Variants in TRIM42 observed in about 807,000 individuals in gnomAD.
TRIM42 encodes tripartite motif-containing protein 42.
TRIM42 carries 59 observed loss-of-function variants against 64.9 expected under a neutral mutation model. That is an observed-to-expected ratio of 0.91 (90% CI 0.74 to 1.13). TRIM42 has a LOEUF of 1.13. Ranked by LOEUF, TRIM42 falls within the 50% of genes most tolerant of loss-of-function variation. The pLI is 0.00. For missense variants in TRIM42, 878 were observed against 929.5 expected, an observed-to-expected ratio of 0.94 and a Z score of 0.72; for synonymous variants, 354 against 346.3, an observed-to-expected ratio of 1.02 and a Z score of -0.25.
At chr3:140,691,825 C>T (rs574693337) in intron 4 of TRIM42, among the ~76,000 whole-genome samples, 3 of 152,188 alleles carry the variant, frequency 2.0e-5, no homozygotes, top group Non-Finnish European at 4.4e-5. Context: ...AGGGAATACA[C>T]ATTCATGAGT....
intron 3 of TRIM42, among the ~76,000 whole-genome samples, chr3:140,690,509 G>A (rs1464192782): frequency 8.3e-6 from 1 of 120,220 alleles, no homozygotes; most frequent in East Asian, 2.7e-4. Context: ...AGAAATCAAA[G>A]CTACTTAATC....
intron 4 of TRIM42, among the ~76,000 whole-genome samples, chr3:140,699,989 T>C (rs2107769978): frequency 6.6e-6 from 1 of 152,278 alleles, no homozygotes. Flanking sequence ...ACATTCCTCT[T>C]CACCATACAA....
chr3:140,697,723 G>A (rs536196323), intron 4 of TRIM42, among the ~76,000 whole-genome samples: 6 of 152,174 alleles, frequency 3.9e-5, no homozygotes, highest in East Asian at 1.9e-4. Context: ...TCGCTCTGTC[G>A]CCCAGGCTGG....
intron 2 of TRIM42, among the ~76,000 whole-genome samples, chr3:140,686,752 C>T (rs1988554584): frequency 6.6e-6 from 1 of 152,174 alleles, no homozygotes; most frequent in Non-Finnish European, 1.5e-5. Flanking sequence ...AAGAACCTTA[C>T]CCGTAGCATA....
rs374228034 is a variant in TRIM42, at chr3:140,688,041, C to G, written c.1359C>G (p.Ile453Met). The change falls in exon 3 of 5, where the codon ATC (isoleucine) becomes ATG (methionine). Residue 453 changes from isoleucine to methionine, a missense_variant. Transcript: ENST00000286349. ...LQSAKILVDQIEDGIQTTYRP... is the reference protein window; with the variant it reads ...LQSAKILVDQMEDGIQTTYRP... ...CAGCCAAGATCCTGGTGGACCAGAT[C>G]GAGGACGGCATCCAGACCACCTACA... The G allele has an allele frequency of 3.1e-6, 5 of 1,614,164 alleles. No homozygotes were observed. Among genetic ancestry groups the G allele is most frequent in the Non-Finnish European group, 4.2e-6 (5 of 1,180,022 alleles).
At chr3:140,692,933 C>T (rs1345715158) in intron 4 of TRIM42, among the ~76,000 whole-genome samples, 1 of 152,206 alleles carries the variant, frequency 6.6e-6, no homozygotes, top group Non-Finnish European at 1.5e-5. Flanking sequence ...AGTATGTCAT[C>T]AGTCTACCAT....
At chr3:140,697,352 A>T (rs1198184300) in intron 4 of TRIM42, among the ~76,000 whole-genome samples, 1 of 152,206 alleles carries the variant, frequency 6.6e-6, no homozygotes, top group East Asian at 1.9e-4. Flanking sequence ...ATATAATCAA[A>T]ATCATCAATT....
Position 140,688,289 on chromosome 3 carries a change from G to A in TRIM42, c.1607G>A (p.Ser536Asn). 1 of 1,614,212 alleles carries A rather than the reference G, an allele frequency of 6.2e-7. No individual in the cohort carries two copies. The highest frequency in any genetic ancestry group is 8.5e-7 in the Non-Finnish European group (1 of 1,180,048). The change falls in exon 3 of 5, where the codon AGC becomes AAC. Residue 536 changes from serine (S) to asparagine (N), a missense_variant. By Grantham distance (46) the Ser-to-Asn change is conservative (BLOSUM62 1). Transcript: ENST00000286349. ...SLGNQHIYQR[S>N]SSMLSFSNTD... ...GGCAACCAGCACATATACCAGCGAA[G>A]CTCCTCCATGTTGTCCTTCAGCAAC...
intron 4 of TRIM42, among the ~76,000 whole-genome samples, chr3:140,700,460 C>G (rs758466755): frequency 5.9e-5 from 9 of 151,978 alleles, no homozygotes; most frequent in Admixed American, 5.9e-4. Flanking sequence ...CCCCACACCC[C>G]AATCAAGGTG....
chr3:140,678,900 C>A (rs1219832393), intron 1 of TRIM42, among the ~76,000 whole-genome samples: 2 of 152,262 alleles, frequency 1.3e-5, no homozygotes, highest in Admixed American at 1.3e-4. Flanking sequence ...CCAGCTAACC[C>A]CTCACCCTAA....
chr3:140,690,268 A>T (rs955610521), intron 3 of TRIM42, among the ~76,000 whole-genome samples: 2 of 152,050 alleles, frequency 1.3e-5, no homozygotes, highest in Non-Finnish European at 2.9e-5. Flanking sequence ...GAGATTTTTT[A>T]AACTCAGTTT....
chr3:140,680,420 G>GCCATTAATA (rs1315807152), intron 1 of TRIM42, among the ~76,000 whole-genome samples: 2 of 151,852 alleles, frequency 1.3e-5, no homozygotes, highest in Non-Finnish European at 2.9e-5. Context: ...AGCTCCCTAG[G>GCCATTAATA]CCATTAATAC....
intron 1 of TRIM42, among the ~76,000 whole-genome samples, chr3:140,681,647 GA>G (rs5852991): frequency 6.7e-6 from 1 of 149,316 alleles, no homozygotes; most frequent in Non-Finnish European, 1.5e-5. Flanking sequence ...TGTCCTCCAG[GA>G]AAAAAAAAAC....
intron 2 of TRIM42, 46 bp downstream of exon 2, chr3:140,683,205 C>T: frequency 6.3e-7 from 1 of 1,593,086 alleles, no homozygotes; most frequent in East Asian, 2.2e-5. Context: ...AGTTCAGGAA[C>T]ACATGGGGAA....
intron 3 of TRIM42, 74 bp downstream of exon 3, chr3:140,688,616 G>C: frequency 1.6e-6 from 2 of 1,249,254 alleles, no homozygotes; most frequent in South Asian, 2.9e-5. Flanking sequence ...AGTCAGGAAA[G>C]GTTGCACTTA....
In TRIM42 at chr3:140,682,891, C is replaced by A; in HGVS notation, c.771C>A (p.Asn257Lys). The A allele has an allele frequency of 6.2e-7, 1 of 1,614,240 alleles. No individual in the cohort carries two copies. Among genetic ancestry groups the A allele is most frequent in the Non-Finnish European group, 8.5e-7 (1 of 1,180,040 alleles). The change falls in exon 2 of 5, where the codon AAC becomes AAA. Residue 257 changes from asparagine (N) to lysine (K), a missense_variant. Transcript: ENST00000286349. ...AYKRCITCRL[N>K]LCNDCLKAFH... ...AGCGCTGCATCACCTGCCGCCTCAA[C>A]CTGTGCAACGACTGCCTCAAGGCCT...
intron 1 of TRIM42, among the ~76,000 whole-genome samples, chr3:140,681,493 AT>A (rs1988393819): frequency 6.6e-6 from 1 of 152,204 alleles, no homozygotes; most frequent in South Asian, 2.1e-4. Flanking sequence ...AAAGTGGTGC[AT>A]TTTTTATCAC....
rs142667664 is a variant in TRIM42, at chr3:140,688,285, C to T, written c.1603C>T (p.Arg535Ter). 61 of 1,614,070 alleles carry T rather than the reference C, an allele frequency of 3.8e-5. No individual in the cohort carries two copies. Among genetic ancestry groups the T allele is most frequent in the Non-Finnish European group, 4.7e-5 (56 of 1,180,036 alleles). Residue 535 changes from arginine (R) to a stop codon, truncating the protein, a stop_gained, in exon 3 of 5, where the codon CGA becomes TGA. Transcript: ENST00000286349. LOFTEE classifies it high-confidence loss of function. ...HSLGNQHIYQ[R>*]SSSMLSFSNT... ...CCTCGGCAACCAGCACATATACCAG[C>T]GAAGCTCCTCCATGTTGTCCTTCAG...
rs1553763786 is a variant in TRIM42, at chr3:140,692,530, T to TACACACACACACAC, written c.2085+1358_2085+1371dup. On this transcript the variant is annotated intron_variant, in intron 4 of 4. Coordinates refer to ENST00000286349, the MANE Select transcript of TRIM42 (RefSeq NM_152616.5). ...CCATGGACACACACACACATACACA[T>TACACACACACACAC]ACACACACACACACACACACACACA... Among the ~76,000 whole-genome samples, 325 of 108,496 alleles carry TACACACACACACAC rather than the reference T, an allele frequency of 3.0e-3. 1 individual carries two copies. Among genetic ancestry groups the TACACACACACACAC allele is most frequent in the African/African-American group, 9.4e-3 (291 of 30,976 alleles). The allele number at this position is 108,496 out of a possible 152,430, so 71.2% of individuals were successfully genotyped here.
Sources: gnomAD v4.1 joint callset for allele counts (sites outside exome capture counted in the v4.1 genomes callset) on GRCh38, gnomAD v4.1.1 for gene constraint, MANE v1.5 for transcripts, NCBI Gene and HGNC (gene_info 2026-07-23, HGNC 2026-07-21) for gene names.